Variants in RIT2 observed in about 807,000 individuals in gnomAD.
The protein encoded by RIT2 is Ras like without CAAX 2.
RIT2 carries 24 observed loss-of-function variants against 23.7 expected under a neutral mutation model. The observed-to-expected ratio is 1.01, with a 90% CI of 0.73 to 1.43. RIT2 has a LOEUF of 1.43. RIT2 is among the 40% of genes most tolerant of loss of function. RIT2 has a pLI of 0.00. For missense variants in RIT2, 236 were observed against 266.9 expected, an observed-to-expected ratio of 0.88 and a Z score of 0.81; for synonymous variants, 107 against 91.1, an observed-to-expected ratio of 1.17 and a Z score of -0.99.
intron 4 of RIT2, among the ~76,000 whole-genome samples, chr18:42,825,464 A>G (rs1906269320): frequency 6.6e-6 from 1 of 151,906 alleles, no homozygotes; most frequent in South Asian, 2.1e-4. Context: ...TAATGCATCC[A>G]TAATGTCCCC....
intron 4 of RIT2, among the ~76,000 whole-genome samples, chr18:42,906,847 T>C (rs1208001330): frequency 6.6e-6 from 1 of 152,166 alleles, no homozygotes; most frequent in Non-Finnish European, 1.5e-5. Flanking sequence ...TATTATTCCT[T>C]GTCTTTGTAC....
intron 1 of RIT2, among the ~76,000 whole-genome samples, chr18:43,100,713 G>A (rs1913663377): frequency 6.6e-6 from 1 of 152,136 alleles, no homozygotes. Flanking sequence ...GAAGGAAAGA[G>A]GAGTAAAGCA....
At chr18:42,829,159 C>T (rs1200666775) in intron 4 of RIT2, among the ~76,000 whole-genome samples, 2 of 152,110 alleles carry the variant, frequency 1.3e-5, no homozygotes, top group Non-Finnish European at 2.9e-5. Flanking sequence ...ATCCTCTTTA[C>T]ATGGCTCTTT....
intron 2 of RIT2, among the ~76,000 whole-genome samples, chr18:42,974,682 T>C (rs1456152410): frequency 6.6e-6 from 1 of 152,034 alleles, no homozygotes; most frequent in African/African-American, 2.4e-5. Flanking sequence ...AAAGATTACA[T>C]ACATGCAAAC....
intron 1 of RIT2, among the ~76,000 whole-genome samples, chr18:43,035,141 C>A (rs766345460): frequency 1.6e-4 from 25 of 152,154 alleles, no homozygotes; most frequent in Non-Finnish European, 3.1e-4. Context: ...ATGTGGAATG[C>A]GCTAGTCTGA....
chr18:42,853,327 C>T (rs777488163), intron 4 of RIT2, among the ~76,000 whole-genome samples: 6 of 152,188 alleles, frequency 3.9e-5, no homozygotes, highest in African/African-American at 9.7e-5. Flanking sequence ...TAACAAGCTA[C>T]GCTATACTTT....
intron 3 of RIT2, among the ~76,000 whole-genome samples, chr18:42,951,710 A>G (rs1909855888): frequency 6.6e-6 from 1 of 152,120 alleles, no homozygotes; most frequent in African/African-American, 2.4e-5. Context: ...TATTCATTGC[A>G]GCATTATTTA....
intron 4 of RIT2, among the ~76,000 whole-genome samples, chr18:42,778,910 C>T (rs1050742287): frequency 3.3e-5 from 5 of 152,196 alleles, no homozygotes; most frequent in Non-Finnish European, 5.9e-5. Context: ...AAATCTATTT[C>T]CCTCTGGACA....
chr18:42,772,752 C>G (rs993182147), intron 4 of RIT2, among the ~76,000 whole-genome samples: 27 of 152,264 alleles, frequency 1.8e-4, no homozygotes, highest in Middle Eastern at 3.4e-3. Context: ...TGGATGAGAA[C>G]TGATCACCAG....
At chr18:43,099,586 A>G (rs1411190920) in intron 1 of RIT2, among the ~76,000 whole-genome samples, 1 of 152,116 alleles carries the variant, frequency 6.6e-6, no homozygotes, top group Non-Finnish European at 1.5e-5. Flanking sequence ...TTTCCCCTAC[A>G]GCATAGGTTC....
chr18:42,794,098 A>G (rs930708435), intron 4 of RIT2, among the ~76,000 whole-genome samples: 2 of 152,144 alleles, frequency 1.3e-5, no homozygotes, highest in Non-Finnish European at 2.9e-5. Flanking sequence ...TCTCATAAGC[A>G]TACATTCTAT....
chr18:42,858,858 C>T (rs1740005631), intron 4 of RIT2, among the ~76,000 whole-genome samples: 1 of 152,172 alleles, frequency 6.6e-6, no homozygotes, highest in South Asian at 2.1e-4. Context: ...TTGCAAGATT[C>T]ATCCATGTTG....
intron 4 of RIT2, among the ~76,000 whole-genome samples, chr18:42,896,105 A>G (rs756877737): frequency 1.5e-4 from 23 of 152,144 alleles, no homozygotes; most frequent in Non-Finnish European, 2.9e-4. Flanking sequence ...CTCTACTAAA[A>G]ATACAAAAAT....
At chr18:42,883,256 T>C (rs1271066049) in intron 4 of RIT2, among the ~76,000 whole-genome samples, 1 of 152,186 alleles carries the variant, frequency 6.6e-6, no homozygotes, top group East Asian at 1.9e-4. Context: ...AAGTTAGTTT[T>C]GTTCCTGACA....
chr18:43,022,068 A>G (rs1445913997), intron 2 of RIT2, among the ~76,000 whole-genome samples: 1 of 152,152 alleles, frequency 6.6e-6, no homozygotes, highest in Non-Finnish European at 1.5e-5. Context: ...ATGTCCATCA[A>G]TGGATGAATG....
At chr18:42,971,208 C>G (rs1170663573) in intron 3 of RIT2, among the ~76,000 whole-genome samples, 1 of 151,992 alleles carries the variant, frequency 6.6e-6, no homozygotes, top group African/African-American at 2.4e-5. Flanking sequence ...ATGGTGTTCT[C>G]TCCTGTTTCC....
intron 4 of RIT2, among the ~76,000 whole-genome samples, chr18:42,837,736 G>A (rs1906656949): frequency 6.6e-6 from 1 of 152,070 alleles, no homozygotes; most frequent in Non-Finnish European, 1.5e-5. Context: ...CCCAGTTTGA[G>A]CCATTAAGCC....
At chr18:42,863,854 G>A (rs1231805967) in intron 4 of RIT2, among the ~76,000 whole-genome samples, 1 of 152,066 alleles carries the variant, frequency 6.6e-6, no homozygotes, top group African/African-American at 2.4e-5. Flanking sequence ...CAAAGGGTGT[G>A]TATTTCAAGA....
chr18:42,770,305 C>T (rs1246311063), intron 4 of RIT2, among the ~76,000 whole-genome samples: 1 of 152,216 alleles, frequency 6.6e-6, no homozygotes, highest in Non-Finnish European at 1.5e-5. Context: ...TCACAACGAC[C>T]TAGAGGCATA....
Sources: allele counts gnomAD v4.1 joint callset (sites outside exome capture counted in the v4.1 genomes callset), GRCh38; gene constraint gnomAD v4.1.1; transcripts MANE v1.5; gene names NCBI Gene and HGNC (gene_info 2026-07-23, HGNC 2026-07-21).